ZNF93: variants seen among roughly 807,000 people sequenced by gnomAD.
ZNF93 encodes zinc finger protein 505.
A neutral mutation model predicts 45.0 loss-of-function variants in ZNF93; 29 were observed. The ratio of observed to expected loss-of-function variants is 0.64; its 90% CI spans 0.48 to 0.88. The LOEUF (loss-of-function observed/expected upper bound fraction) is 0.88. Ranked by LOEUF, ZNF93 falls within the 40% of genes least tolerant of loss-of-function variation. The pLI, the probability that ZNF93 is intolerant of heterozygous loss-of-function variation, is 0.00. For synonymous variants in ZNF93, 223 were observed against 244.6 expected (o/e 0.91, Z 0.82); for missense variants, 578 against 724.0 (o/e 0.80, Z 2.31).
intron 3 of ZNF93, among the ~76,000 whole-genome samples, chr19:19,923,380 GGGTCAGGGAC>G (rs373802692): frequency 2.0e-5 from 3 of 152,260 alleles, no homozygotes; most frequent in African/African-American, 7.2e-5. Context: ...GGCTACTCAG[GGGTCAGGGAC>G]CCACTTGAAT....
At chr19:19,929,937 CAAAAAAAA>C (rs71172547) in intron 3 of ZNF93, among the ~76,000 whole-genome samples, 48 of 57,694 alleles carry the variant, frequency 8.3e-4, no homozygotes, top group East Asian at 2.7e-3. Flanking sequence ...GACTCCGTCT[CAAAAAAAA>C]AAAAAAAAAA....
Position 19,933,820 on chromosome 19 carries a change from G to T in ZNF93, c.865G>T (p.Glu289Ter). ...HTGEKPYKCE[E>*]CGKAFNQSST... ...TGGAGAGAAACCCTACAAATGTGAA[G>T]AATGTGGCAAAGCTTTTAACCAATC... The change falls in exon 4 of 4, where the codon GAA becomes TAA. Residue 289 changes from glutamate to a stop codon, truncating the protein, a stop_gained. Coordinates refer to ENST00000343769, the MANE Select transcript of ZNF93 (RefSeq NM_031218.4). LOFTEE classifies it high-confidence loss of function. The T allele has an allele frequency of 6.2e-7, 1 of 1,613,348 alleles. No homozygotes were observed. Among genetic ancestry groups the T allele is most frequent in the Admixed American group, 1.7e-5 (1 of 59,986 alleles).
chr19:19,911,248 T>C (rs767490826), intron 1 of ZNF93, among the ~76,000 whole-genome samples: 2 of 152,214 alleles, frequency 1.3e-5, no homozygotes, highest in Non-Finnish European at 1.5e-5. Context: ...TGGCTTATCA[T>C]TGGGCCATGA....
At chr19:19,927,429 C>T (rs2063359669) in intron 3 of ZNF93, 1 of 371,342 alleles carries the variant, frequency 2.7e-6, no homozygotes, top group African/African-American at 2.1e-5. Flanking sequence ...AGAAACTTAA[C>T]ATCTTGTAAA....
chr19:19,915,474 GT>G, intron 2 of ZNF93, 68 bp downstream of exon 2: 1 of 1,534,160 alleles, frequency 6.5e-7, no homozygotes, highest in Non-Finnish European at 8.8e-7. Context: ...TTTGTAGAAT[GT>G]TTTTTAGTAA....
At chr19:19,920,591 G>T (rs1462510927) in intron 3 of ZNF93, among the ~76,000 whole-genome samples, 1 of 152,066 alleles carries the variant, frequency 6.6e-6, no homozygotes, top group African/African-American at 2.4e-5. Context: ...ACTTTTTTTG[G>T]TTGGCAAGCT....
intron 3 of ZNF93, among the ~76,000 whole-genome samples, chr19:19,923,668 G>A (rs1281509664): frequency 6.6e-6 from 1 of 152,184 alleles, no homozygotes; most frequent in African/African-American, 2.4e-5. Flanking sequence ...ATCTCAGACT[G>A]CTGTGCTAGC....
intron 1 of ZNF93, among the ~76,000 whole-genome samples, chr19:19,905,378 T>C (rs1235136191): frequency 6.6e-6 from 1 of 152,190 alleles, no homozygotes; most frequent in East Asian, 1.9e-4. Context: ...CCCTCCACCC[T>C]CAACTAGGCC....
At chr19:19,920,594 GGCAAGCTATTATT>G (rs1202972757) in intron 3 of ZNF93, among the ~76,000 whole-genome samples, 1 of 151,924 alleles carries the variant, frequency 6.6e-6, no homozygotes, top group East Asian at 1.9e-4. Flanking sequence ...TTTTTTGGTT[GGCAAGCTATTATT>G]GCCTCAATTT....
chr19:19,921,773 T>A (rs2122182995), intron 3 of ZNF93, among the ~76,000 whole-genome samples: 1 of 151,990 alleles, frequency 6.6e-6, no homozygotes, highest in South Asian at 2.1e-4. Flanking sequence ...AACCCCTGCC[T>A]TTTTTTGTTT....
chr19:19,912,990 T>C (rs114621503), intron 1 of ZNF93, among the ~76,000 whole-genome samples: 1 of 152,196 alleles, frequency 6.6e-6, no homozygotes, highest in East Asian at 1.9e-4. Flanking sequence ...CAGCAAAAAA[T>C]ATAAAACTTT....
chr19:19,907,143 T>A (rs965876124), intron 1 of ZNF93, among the ~76,000 whole-genome samples: 1 of 152,092 alleles, frequency 6.6e-6, no homozygotes, highest in African/African-American at 2.4e-5. Flanking sequence ...CCAGATTGTC[T>A]TTATCTAGTA....
rs186055928 is a variant in ZNF93, at chr19:19,911,151, A to G, written c.4-4129A>G. 3.5e-3 allele frequency among the ~76,000 whole-genome samples: 531 copies of G among 152,338 alleles called. 11 individuals are homozygous for G. Among genetic ancestry groups the G allele is most frequent in the Admixed American group, 0.028 (428 of 15,304 alleles). ...TTGATCTTTCTCTTACCCAAGAGCTAGCAAATCAGAATGGGTGATCCAGGT... is the reference window on the plus strand; with the variant it reads ...TTGATCTTTCTCTTACCCAAGAGCTGGCAAATCAGAATGGGTGATCCAGGT... On this transcript the variant is annotated intron_variant, in intron 1 of 3. Transcript: ENST00000343769.
chr19:19,905,186 C>T (rs886485740), intron 1 of ZNF93, among the ~76,000 whole-genome samples: 1 of 151,934 alleles, frequency 6.6e-6, no homozygotes, highest in Non-Finnish European at 1.5e-5. Flanking sequence ...CTACATTGTG[C>T]TCTCTCTCAC....
At position 19,934,799 on chromosome 19, in the gene ZNF93, A is replaced by T. The variant is rs1178674846; in HGVS notation, c.1844A>T (p.His615Leu). 1 of 1,597,848 alleles carries T rather than the reference A, an allele frequency of 6.3e-7. No homozygotes were observed. The highest frequency in any genetic ancestry group is 2.2e-5 in the East Asian group (1 of 44,852). The change falls in exon 4 of 4, where the codon CAT (histidine) becomes CTT (leucine). Residue 615 changes from histidine to leucine, a missense_variant. Transcript: ENST00000343769. ...PSSLSRHEII[H>L]TGEKP ...AGCCTTAGTAGACATGAGATAATTC[A>T]TACTGGGGAGAAACCCTAGAAGTGT...
chr19:19,916,371 C>T (rs1472092114), intron 2 of ZNF93, among the ~76,000 whole-genome samples, 189 bp from the exon 3 acceptor site: 2 of 152,102 alleles, frequency 1.3e-5, no homozygotes, highest in East Asian at 1.9e-4. Flanking sequence ...TTGCTGGGAT[C>T]ACAGGCGTGA....
At position 19,915,367 on chromosome 19, in the gene ZNF93, A is replaced by G; in HGVS notation, c.91A>G (p.Asn31Asp). ...LDTAQRNLYRNVMLENYSNLV... is the reference protein window; with the variant it reads ...LDTAQRNLYRDVMLENYSNLV... The stretch of plus-strand genomic sequence containing the variant: ...CACTGCACAGCGGAATCTATATAGG[A>G]ATGTGATGTTAGAGAACTACAGTAA... Residue 31 changes from asparagine (N) to aspartate (D), a missense_variant, in exon 2 of 4, where the codon AAT (asparagine) becomes GAT (aspartate). Coordinates refer to ENST00000343769, the MANE Select transcript of ZNF93 (RefSeq NM_031218.4). The G allele has an allele frequency of 6.2e-6, 10 of 1,614,058 alleles. No homozygotes were observed. The highest frequency in any genetic ancestry group is 8.5e-6 in the Non-Finnish European group (10 of 1,179,968).
intron 1 of ZNF93, chr19:19,909,284 G>T (rs2122165601): frequency 6.6e-6 from 1 of 152,346 alleles, no homozygotes; most frequent in South Asian, 2.1e-4. Context: ...AAGTAAACAG[G>T]AGTGCTGTAG....
chr19:19,902,368 C>T (rs1160214031), intron 1 of ZNF93, among the ~76,000 whole-genome samples: 1 of 152,038 alleles, frequency 6.6e-6, no homozygotes, highest in East Asian at 1.9e-4. Context: ...AAGCGATTCT[C>T]CTGCCTCAGC....
Sources: gnomAD v4.1 joint callset for allele counts (sites outside exome capture counted in the v4.1 genomes callset) on GRCh38, gnomAD v4.1.1 for gene constraint, MANE v1.5 for transcripts, NCBI Gene and HGNC (gene_info 2026-07-23, HGNC 2026-07-21) for gene names.